Variants in SIPA1L3 observed in about 807,000 individuals in gnomAD.
SIPA1L3 encodes the protein signal induced proliferation associated 1 like 3, also known as signal-induced proliferation-associated 1-like protein 3.
Under a neutral mutation model 150.1 loss-of-function variants are expected in SIPA1L3, and 59 were observed. That is an observed-to-expected ratio of 0.39 (90% CI 0.32 to 0.49). The LOEUF (loss-of-function observed/expected upper bound fraction) is 0.49, where lower values mean the gene tolerates loss of function less well. Ranked by LOEUF, SIPA1L3 falls within the 20% of genes least tolerant of loss-of-function variation. The pLI is 0.86. For missense variants in SIPA1L3, 2,211 were observed against 2,489.5 expected (o/e 0.89, Z 2.38); for synonymous variants, 1,070 against 1,077.6 (o/e 0.99, Z 0.14).
intron 1 of SIPA1L3, among the ~76,000 whole-genome samples, chr19:38,020,190 A>AT (rs1968341298): frequency 3.9e-5 from 6 of 152,070 alleles, no homozygotes; most frequent in Non-Finnish European, 5.9e-5. Flanking sequence ...TTGTGGAGTA[A>AT]TTTTTTTACT....
At chr19:37,927,744 G>C (rs1256056083) in intron 1 of SIPA1L3, among the ~76,000 whole-genome samples, 2 of 151,840 alleles carry the variant, frequency 1.3e-5, no homozygotes, top group Admixed American at 6.6e-5. Flanking sequence ...GTGTGTGTGT[G>C]TGTACGTGTA....
intron 1 of SIPA1L3, among the ~76,000 whole-genome samples, chr19:37,924,498 C>T (rs4802148): frequency 2.5e-4 from 37 of 148,936 alleles, no homozygotes; most frequent in Admixed American, 2.4e-3. Flanking sequence ...GCCAACATGG[C>T]GAAACCCCAT....
At chr19:37,960,582 T>A (rs913408638) in intron 1 of SIPA1L3, among the ~76,000 whole-genome samples, 23 of 151,862 alleles carry the variant, frequency 1.5e-4, no homozygotes, top group African/African-American at 3.6e-4. Context: ...TTTTTTTTTT[T>A]ATTTTTAGTA....
In SIPA1L3 at chr19:38,207,413, C is replaced by G. The variant is rs905616900; in HGVS notation, c.*1173C>G. The stretch of plus-strand genomic sequence containing the variant: ...GTTTCTTTTTTTCCTTCTTTAAAAG[C>G]AAACAGAAAAAGATATATATATATA... On this transcript the variant is annotated 3_prime_UTR_variant, in exon 22 of 22. Coordinates refer to ENST00000222345, the MANE Select transcript of SIPA1L3 (RefSeq NM_015073.3). 4 of 146,288 alleles carry G rather than the reference C, an allele frequency of 2.7e-5. No individual in the cohort carries two copies. The highest frequency in any genetic ancestry group is 1.0e-4 in the African/African-American group (4 of 40,000). 9.1% of individuals were successfully genotyped at this position (146,288 alleles called of 1,614,324 possible).
chr19:37,930,836 C>A (rs919522957), intron 1 of SIPA1L3, among the ~76,000 whole-genome samples: 3 of 151,652 alleles, frequency 2.0e-5, no homozygotes, highest in Non-Finnish European at 4.4e-5. Context: ...CCCTCCCCCC[C>A]AACCCCCAAC....
chr19:38,024,196 C>T (rs989031672), intron 1 of SIPA1L3, among the ~76,000 whole-genome samples: 1 of 152,086 alleles, frequency 6.6e-6, no homozygotes, highest in Non-Finnish European at 1.5e-5. Context: ...AGTGACCTGG[C>T]CAGCCCAGCA....
At chr19:38,198,985 G>C (rs1303870493) in intron 19 of SIPA1L3, among the ~76,000 whole-genome samples, 1 of 152,186 alleles carries the variant, frequency 6.6e-6, no homozygotes, top group Non-Finnish European at 1.5e-5. Flanking sequence ...AAAAAAATCT[G>C]TCCCTGAGGA....
intron 15 of SIPA1L3, among the ~76,000 whole-genome samples, chr19:38,166,984 CA>C (rs1972225082): frequency 6.6e-6 from 1 of 151,860 alleles, no homozygotes; most frequent in Non-Finnish European, 1.5e-5. Flanking sequence ...CCTGTAATCC[CA>C]GCACTTTGGG....
At chr19:38,077,661 CTT>C (rs58788182) in intron 2 of SIPA1L3, among the ~76,000 whole-genome samples, 196 of 64,266 alleles carry the variant, frequency 3.0e-3, no homozygotes, top group South Asian at 8.1e-3. Flanking sequence ...TTTTCTTTTT[CTT>C]TTTTTTTTTT....
At chr19:38,198,668 C>T (rs1973021016) in intron 19 of SIPA1L3, 136 bp downstream of exon 19, 11 of 887,292 alleles carry the variant, frequency 1.2e-5, no homozygotes, top group South Asian at 4.4e-5. Context: ...AGTCCTGCCC[C>T]GTCACTTGCT....
chr19:38,162,408 C>G (rs1972113642), intron 14 of SIPA1L3, 37 bp downstream of exon 14: 1 of 1,519,058 alleles, frequency 6.6e-7, no homozygotes, highest in African/African-American at 1.4e-5. Context: ...CCGGGGGAGC[C>G]AGGCCTGCCT....
rs1249582951 is a variant in SIPA1L3 at position 38,141,233 on chromosome 19, C to G, written c.3193C>G (p.Gln1065Glu). 4 of 1,613,172 alleles carry G rather than the reference C, an allele frequency of 2.5e-6. No individual in the cohort carries two copies. The highest frequency in any genetic ancestry group is 2.5e-6 in the Non-Finnish European group (3 of 1,179,534). ...GAATACCTCGGAGCCCAAGACGGAG[C>G]AGGAAAGCATCACTCCTGGGGGCCG... ...DMNTSEPKTE[Q>E]ESITPGGRPP... is the part of the protein sequence containing the mutation. Residue 1065 changes from glutamine (Q) to glutamate (E), a missense_variant, in exon 11 of 22, where the codon CAG (glutamine) becomes GAG (glutamate). Physicochemically the swap from Gln to Glu is conservative, Grantham distance 29. Coordinates refer to ENST00000222345, the MANE Select transcript of SIPA1L3 (RefSeq NM_015073.3).
chr19:38,057,933 A>G (rs1235147578), intron 2 of SIPA1L3, among the ~76,000 whole-genome samples: 1 of 152,044 alleles, frequency 6.6e-6, no homozygotes, highest in Non-Finnish European at 1.5e-5. Context: ...AAGTGCCGGG[A>G]TTACAGGCCT....
At chr19:38,176,312 T>C (rs1352575462) in intron 15 of SIPA1L3, among the ~76,000 whole-genome samples, 2 of 152,090 alleles carry the variant, frequency 1.3e-5, no homozygotes, top group African/African-American at 2.4e-5. Flanking sequence ...TGCACCCGGC[T>C]GGCCACTTAC....
Position 37,981,258 on chromosome 19 carries a change from C to T in SIPA1L3, c.-378-47831C>T, listed in dbSNP as rs111863115. 4.6e-3 allele frequency among the ~76,000 whole-genome samples: 694 copies of T among 152,072 alleles called. 5 individuals carry two copies. Among genetic ancestry groups the T allele is most frequent in the African/African-American group, 0.016 (672 of 41,476 alleles). ...GACCAGCCTGGAGAATACAGCAAGA[C>T]TCCCACCTCTACAAAAAATGAGCCA... On this transcript the variant is annotated intron_variant, in intron 1 of 21. Transcript: ENST00000222345.
chr19:38,064,181 A>G (rs1422219258), intron 2 of SIPA1L3, among the ~76,000 whole-genome samples: 1 of 152,170 alleles, frequency 6.6e-6, no homozygotes, highest in Non-Finnish European at 1.5e-5. Flanking sequence ...CTTCATCCAC[A>G]TGTGCTTCAG....
chr19:38,116,371 G>A (rs1225565608), intron 8 of SIPA1L3, among the ~76,000 whole-genome samples: 1 of 151,544 alleles, frequency 6.6e-6, no homozygotes, highest in Non-Finnish European at 1.5e-5. Flanking sequence ...AGCCAGGCGT[G>A]GTGGTGCATG....
chr19:38,201,799 C>T lies in SIPA1L3; in HGVS notation c.4985-63C>T, dbSNP rs954090549. The stretch of plus-strand genomic sequence containing the variant: ...GAGGTTTGCAGGGAGAGGCGTGGTC[C>T]GTCTGTTGCGGGAGAAGCCGGGAGC... On this transcript the variant is annotated intron_variant, in intron 19 of 21. Coordinates refer to ENST00000222345, the MANE Select transcript of SIPA1L3 (RefSeq NM_015073.3). 55 of 1,526,044 alleles carry T rather than the reference C, an allele frequency of 3.6e-5. No homozygotes were observed. In the African/African-American group the frequency reaches 6.2e-4, roughly 17 times the overall value. 94.5% of individuals were successfully genotyped at this position (1,526,044 alleles called of 1,614,324 possible).
intron 13 of SIPA1L3, among the ~76,000 whole-genome samples, chr19:38,160,406 C>CTT (rs1013776043): frequency 6.7e-5 from 9 of 134,970 alleles, no homozygotes; most frequent in African/African-American, 1.6e-4. Context: ...AGCTGCTACT[C>CTT]TTTTTTTTTT....
Sources: allele counts gnomAD v4.1 joint callset (sites outside exome capture counted in the v4.1 genomes callset), GRCh38; gene constraint gnomAD v4.1.1; transcripts MANE v1.5; gene names NCBI Gene and HGNC (gene_info 2026-07-23, HGNC 2026-07-21).